SEMA5B: variants seen among roughly 807,000 people sequenced by gnomAD.
SEMA5B encodes semaphorin-5B.
SEMA5B carries 66 observed loss-of-function variants against 135.0 expected under a neutral mutation model. The ratio of observed to expected loss-of-function variants is 0.49; its 90% CI spans 0.40 to 0.60. The LOEUF is 0.60. Among genes scored for constraint, SEMA5B ranks in the 20% least tolerant of loss-of-function variants. The pLI, the probability that SEMA5B is intolerant of heterozygous loss-of-function variation, is 0.00. For missense variants in SEMA5B, 1,501 were observed against 1,566.3 expected (o/e 0.96, Z 0.70); for synonymous variants, 690 against 639.5 (o/e 1.08, Z -1.19).
At chr3:123,003,136 G>T (rs1263280970) in intron 1 of SEMA5B, among the ~76,000 whole-genome samples, 2 of 152,082 alleles carry the variant, frequency 1.3e-5, no homozygotes, top group African/African-American at 2.4e-5. Flanking sequence ...GCACGGCACT[G>T]CAACAAGTAC....
chr3:122,956,507 G>C (rs1270491650), intron 2 of SEMA5B, among the ~76,000 whole-genome samples: 9 of 152,202 alleles, frequency 5.9e-5, no homozygotes, highest in Non-Finnish European at 1.2e-4. Flanking sequence ...AGGAGCCAAG[G>C]CCGGAGCAAT....
chr3:122,941,206 A>G (rs1052073271), intron 4 of SEMA5B, among the ~76,000 whole-genome samples: 1 of 152,202 alleles, frequency 6.6e-6, no homozygotes, highest in African/African-American at 2.4e-5. Context: ...TGGAGACAGG[A>G]AAAGAAAGTG....
rs1009989723 is a variant in SEMA5B at position 122,961,028 on chromosome 3, C to T, written c.124+112G>A. On this transcript the variant is annotated intron_variant, in intron 2 of 22. Transcript: ENST00000357599. ...GGAAGAGCTGCTCAAATACAGTGGA[C>T]TGAGGTCCTAGGAGGTATGCTGATG... 7.1e-5 allele frequency: 80 copies of T among 1,119,652 alleles called. 1 individual carries two copies. The Admixed American group carries it at 1.7e-3, about 24-fold the overall frequency. The allele number at this position is 1,119,652 out of a possible 1,614,324, so 69.4% of individuals were successfully genotyped here.
chr3:122,976,723 A>T (rs540456560), intron 1 of SEMA5B, among the ~76,000 whole-genome samples: 1 of 152,322 alleles, frequency 6.6e-6, no homozygotes, highest in Non-Finnish European at 1.5e-5. Context: ...TGCAGACATC[A>T]TATACATCAC....
chr3:122,929,027 C>T lies in SEMA5B; in HGVS notation c.506G>A (p.Arg169His), dbSNP rs772803361. 14 of 1,612,110 alleles carry T rather than the reference C, an allele frequency of 8.7e-6. No homozygotes were observed. The highest frequency in any genetic ancestry group is 3.3e-5 in the Admixed American group (2 of 60,008). The change falls in exon 6 of 23, where the codon CGC becomes CAC. Residue 169 changes from arginine (R) to histidine (H), a missense_variant. Transcript: ENST00000357599. ...ATEWASSEDT[R>H]RSCQSKGKTE... ...CTTCCCTTTGCTTTGGCAGGAGCGG[C>T]GCGTGTCCTCACTGGAGGCCCACTC... is the stretch of plus-strand genomic sequence containing the variant.
chr3:122,947,693 C>A (rs1330417362), intron 3 of SEMA5B, among the ~76,000 whole-genome samples: 1 of 152,152 alleles, frequency 6.6e-6, no homozygotes, highest in Non-Finnish European at 1.5e-5. Context: ...CACTGCCTCC[C>A]CAACAGGGTT....
chr3:122,921,987 G>C lies in SEMA5B; in HGVS notation c.1616C>G (p.Ala539Gly). 1 of 1,534,870 alleles carries C rather than the reference G, an allele frequency of 6.5e-7. No homozygotes were observed. Among genetic ancestry groups the C allele is most frequent in the Non-Finnish European group, 8.7e-7 (1 of 1,144,466 alleles). Reference sequence around the variant, plus strand: ...GCCGTCTCTCAGCCCCACGAAGAGCGCGCGGGCGCTGTGCAGGATGCGCAG... The same window carrying C: ...GCCGTCTCTCAGCCCCACGAAGAGCCCGCGGGCGCTGTGCAGGATGCGCAG... ...RSLRILHSAR[A>G]LFVGLRDGVL... is the part of the protein sequence containing the mutation. The change falls in exon 12 of 23, where the codon GCG becomes GGG. Residue 539 changes from alanine to glycine, a missense_variant. Ala to Gly is a moderately conservative substitution (Grantham distance 60). Coordinates refer to ENST00000357599, the MANE Select transcript of SEMA5B (RefSeq NM_001031702.4).
intron 1 of SEMA5B, among the ~76,000 whole-genome samples, chr3:123,019,663 AG>A (rs1171507190): frequency 6.6e-6 from 1 of 152,238 alleles, no homozygotes; most frequent in Non-Finnish European, 1.5e-5. Flanking sequence ...GCACATAAAA[AG>A]TTTACCAGGC....
chr3:122,935,856 G>C (rs1216331724), intron 5 of SEMA5B, among the ~76,000 whole-genome samples: 1 of 151,712 alleles, frequency 6.6e-6, no homozygotes, highest in South Asian at 2.1e-4. Context: ...ACCATGCCCA[G>C]CTAATTTTTG....
intron 2 of SEMA5B, among the ~76,000 whole-genome samples, chr3:122,959,756 A>G (rs1287054550): frequency 6.6e-6 from 1 of 152,192 alleles, no homozygotes; most frequent in Non-Finnish European, 1.5e-5. Context: ...TGTGGCTTAA[A>G]TGAAATAAGG....
chr3:122,967,514 G>A (rs1412318610), intron 1 of SEMA5B, among the ~76,000 whole-genome samples: 1 of 152,212 alleles, frequency 6.6e-6, no homozygotes, highest in Non-Finnish European at 1.5e-5. Context: ...CCTTAACCCA[G>A]TGCAGACTCC....
intron 5 of SEMA5B, among the ~76,000 whole-genome samples, chr3:122,930,229 C>G (rs550445489): frequency 1.3e-5 from 2 of 152,336 alleles, no homozygotes; most frequent in South Asian, 4.1e-4. Flanking sequence ...CTTTCCAGCC[C>G]ACAGCCAACC....
At position 122,964,416 on chromosome 3, in the gene SEMA5B, C is replaced by T. The variant is rs535486074; in HGVS notation, c.-38-3115G>A. Among the ~76,000 whole-genome samples the T allele has an allele frequency of 1.4e-4, 21 of 152,344 alleles. No homozygotes were observed. The East Asian group carries it at 2.1e-3, about 15-fold the overall frequency. On this transcript the variant is annotated intron_variant, in intron 1 of 22. Coordinates refer to ENST00000357599, the MANE Select transcript of SEMA5B (RefSeq NM_001031702.4). ...CGCAGCTCTACTTTCCACCAGCTAACTGTTGCTGTGTGAGGACACAGGCCC... is the reference window on the plus strand; with the variant it reads ...CGCAGCTCTACTTTCCACCAGCTAATTGTTGCTGTGTGAGGACACAGGCCC...
In SEMA5B at chr3:122,948,545, G is replaced by T; in HGVS notation, c.289C>A (p.Leu97Met). Residue 97 changes from leucine (L) to methionine (M), a missense_variant, in exon 3 of 23, where the codon CTG (leucine) becomes ATG (methionine). This residue lies in a region of SEMA5B where 574 missense variants were observed against 684.7 expected (regional missense o/e 0.84). Coordinates refer to ENST00000357599, the MANE Select transcript of SEMA5B (RefSeq NM_001031702.4). ...VSSEPSSEQQ[L>M]CALSKHPTVA... ...GTGGGGTGCTTGCTAAGGGCGCACA[G>T]CTGCTGCTCACTGCTGGGCTCACTG... is the stretch of plus-strand genomic sequence containing the variant. The T allele has an allele frequency of 6.2e-7, 1 of 1,611,302 alleles. No individual in the cohort carries two copies. Among genetic ancestry groups the T allele is most frequent in the Non-Finnish European group, 8.5e-7 (1 of 1,178,040 alleles).
chr3:122,915,713 G>A (rs1938037307), intron 13 of SEMA5B, 60 bp downstream of exon 13: 1 of 1,603,576 alleles, frequency 6.2e-7, no homozygotes, highest in Non-Finnish European at 8.5e-7. Flanking sequence ...ATATTGGTGG[G>A]GAGTCATAGC....
At chr3:122,961,789 C>A (rs547849874) in intron 1 of SEMA5B, among the ~76,000 whole-genome samples, 15 of 152,228 alleles carry the variant, frequency 9.9e-5, no homozygotes, top group African/African-American at 3.6e-4. Context: ...CTCAAACACA[C>A]ATGTATTACC....
intron 8 of SEMA5B, among the ~76,000 whole-genome samples, chr3:122,927,359 T>A (rs1395732240): frequency 6.6e-6 from 1 of 151,968 alleles, no homozygotes; most frequent in African/African-American, 2.4e-5. Context: ...GCTGATTTAT[T>A]TTTTATTTTT....
rs769884628 is a variant in SEMA5B at position 122,913,316 on chromosome 3, G to A, written c.2389C>T (p.Arg797Trp). The change falls in exon 17 of 23, where the codon CGG becomes TGG. Residue 797 changes from arginine to tryptophan, a missense_variant. Coordinates refer to ENST00000357599, the MANE Select transcript of SEMA5B (RefSeq NM_001031702.4). ...GGCGCGCGGCAGGTGAAGCGGAACC[G>A]CTGCTCCTGCCGTGCCCCGCCCTGC... The part of the protein sequence containing the change: ...VTQGGARQEQ[R>W]FRFTCRAPLA... 1 of 1,570,652 alleles carries A rather than the reference G, an allele frequency of 6.4e-7. No individual in the cohort carries two copies. Among genetic ancestry groups the A allele is most frequent in the Admixed American group, 1.8e-5 (1 of 55,204 alleles).
chr3:122,941,144 A>G (rs988529228), intron 4 of SEMA5B, among the ~76,000 whole-genome samples: 3 of 152,170 alleles, frequency 2.0e-5, no homozygotes, highest in African/African-American at 7.2e-5. Context: ...CCAGGGGTCA[A>G]GAAGAAGGGA....
Sources: gnomAD v4.1 joint callset for allele counts (sites outside exome capture counted in the v4.1 genomes callset) on GRCh38, gnomAD v4.1.1 for gene constraint, gnomAD v4.1.1 regional missense constraint, MANE v1.5 for transcripts, NCBI Gene and HGNC (gene_info 2026-07-23, HGNC 2026-07-21) for gene names.